The following RANBP2 variants were observed in gnomAD, a reference collection of about 807,000 sequenced individuals.
RANBP2 encodes RAN binding protein 2.
RANBP2 carries 57 observed loss-of-function variants against 303.6 expected under a neutral mutation model. That is an observed-to-expected ratio of 0.19 (90% CI 0.15 to 0.23). The LOEUF (loss-of-function observed/expected upper bound fraction) is 0.23. RANBP2 is among the 10% of genes least tolerant of loss of function. The pLI is 1.00. For missense variants in RANBP2, 3,138 were observed against 3,780.8 expected, an observed-to-expected ratio of 0.83 and a Z score of 4.46; for synonymous variants, 1,167 against 1,301.5, an observed-to-expected ratio of 0.90 and a Z score of 2.23.
the RANBP2 span, among the ~76,000 whole-genome samples, chr2:109,174,349 G>T: frequency 5.3e-5 from 8 of 152,252 alleles, no homozygotes; most frequent in Non-Finnish European, 1.2e-4. Context: ...ACCAGACTGG[G>T]TGCTGGGTTT....
the RANBP2 span, among the ~76,000 whole-genome samples, chr2:108,800,172 GTTAATGCAT>G: frequency 2.0e-5 from 3 of 152,170 alleles, no homozygotes; most frequent in Non-Finnish European, 4.4e-5. Flanking sequence ...AGACCTTCTG[GTTAATGCAT>G]AGATTTTGGG....
chr2:109,630,523 C>G, the RANBP2 span, among the ~76,000 whole-genome samples: 1 of 152,232 alleles, frequency 6.6e-6, no homozygotes. Context: ...AGGCCATGGC[C>G]TGACCCTTCC....
chr2:109,157,660 A>G, the RANBP2 span, among the ~76,000 whole-genome samples: 1 of 152,208 alleles, frequency 6.6e-6, no homozygotes, highest in African/African-American at 2.4e-5. Context: ...GGATATAAAG[A>G]TGTGATTCAG....
chr2:109,430,756 G>A, the RANBP2 span, among the ~76,000 whole-genome samples: 1 of 152,164 alleles, frequency 6.6e-6, no homozygotes, highest in Non-Finnish European at 1.5e-5. Context: ...TGAACGTGGT[G>A]GGGTGGCGGG....
At chr2:109,555,184 G>C in the RANBP2 span, among the ~76,000 whole-genome samples, 1 of 152,098 alleles carries the variant, frequency 6.6e-6, no homozygotes, top group African/African-American at 2.4e-5. Flanking sequence ...TTAAAGTTAT[G>C]CTATCTATAG....
the RANBP2 span, among the ~76,000 whole-genome samples, chr2:108,940,956 C>A: frequency 6.6e-6 from 1 of 152,072 alleles, no homozygotes; most frequent in African/African-American, 2.4e-5. Context: ...GTATATACAC[C>A]CCCTGTGGCT....
At chr2:109,144,926 G>A in the RANBP2 span, among the ~76,000 whole-genome samples, 4 of 152,334 alleles carry the variant, frequency 2.6e-5, no homozygotes, top group Non-Finnish European at 4.4e-5. Context: ...TGGACACTGC[G>A]CACTGTGGGG....
the RANBP2 span, among the ~76,000 whole-genome samples, chr2:109,181,673 C>T: frequency 2.6e-5 from 4 of 152,344 alleles, no homozygotes; most frequent in South Asian, 2.1e-4. Context: ...AAATTTCCCT[C>T]CCGGCCACAG....
At chr2:109,006,026 G>A in the RANBP2 span, among the ~76,000 whole-genome samples, 44 of 152,294 alleles carry the variant, frequency 2.9e-4, no homozygotes, top group East Asian at 7.1e-3. Context: ...CGGCCAGCCC[G>A]GAAGTGGCGG....
At chr2:109,677,478 T>G in the RANBP2 span, among the ~76,000 whole-genome samples, 1 of 152,232 alleles carries the variant, frequency 6.6e-6, no homozygotes, top group Non-Finnish European at 1.5e-5. Flanking sequence ...CTTTGATCAC[T>G]GCTTCCATGG....
the RANBP2 span, among the ~76,000 whole-genome samples, chr2:109,338,836 C>T: frequency 7.2e-5 from 11 of 152,266 alleles, no homozygotes; most frequent in East Asian, 3.9e-4. Context: ...TGAGCCATTG[C>T]GCCAAGTCTT....
chr2:109,509,623 A>C, the RANBP2 span, among the ~76,000 whole-genome samples: 1 of 152,034 alleles, frequency 6.6e-6, no homozygotes, highest in Non-Finnish European at 1.5e-5. Context: ...TCAAGTCAGG[A>C]GTTTTAGTGT....
the RANBP2 span, among the ~76,000 whole-genome samples, chr2:109,303,412 T>C: frequency 1.3e-5 from 2 of 152,248 alleles, no homozygotes; most frequent in Non-Finnish European, 1.5e-5. Flanking sequence ...GCTCACACTA[T>C]ATTTTTAATG....
the RANBP2 span, among the ~76,000 whole-genome samples, chr2:108,800,449 G>GTTTA: frequency 6.6e-6 from 1 of 151,722 alleles, no homozygotes; most frequent in Non-Finnish European, 1.5e-5. Flanking sequence ...ATTTTTAGTA[G>GTTTA]GGACGGGGTT....
chr2:109,654,214 C>A, the RANBP2 span, among the ~76,000 whole-genome samples: 1 of 152,010 alleles, frequency 6.6e-6, no homozygotes, highest in Non-Finnish European at 1.5e-5. Context: ...ACTACCCCCA[C>A]TAACAAGGTT....
chr2:108,839,399 T>C, the RANBP2 span: 2 of 1,017,146 alleles, frequency 2.0e-6, no homozygotes, highest in African/African-American at 3.3e-5. Flanking sequence ...ATTCTCTGTA[T>C]TTCAGAATAA....
the RANBP2 span, among the ~76,000 whole-genome samples, chr2:109,199,221 T>C: frequency 6.8e-6 from 1 of 148,020 alleles, no homozygotes; most frequent in Admixed American, 6.8e-5. Context: ...TAGCCAGGCG[T>C]GGTGGCGGGT....
At chr2:109,395,846 A>G in the RANBP2 span, among the ~76,000 whole-genome samples, 2 of 152,188 alleles carry the variant, frequency 1.3e-5, no homozygotes, top group Non-Finnish European at 2.9e-5. Flanking sequence ...CTGGACTTGC[A>G]TACAACAACC....
At chr2:109,419,043 G>C in the RANBP2 span, among the ~76,000 whole-genome samples, 5 of 152,098 alleles carry the variant, frequency 3.3e-5, no homozygotes, top group Non-Finnish European at 7.4e-5. Flanking sequence ...TGGGGTCTTG[G>C]GGGGAGGGGG....
Sources: allele counts gnomAD v4.1 joint callset (sites outside exome capture counted in the v4.1 genomes callset), GRCh38; gene constraint gnomAD v4.1.1; transcripts MANE v1.5; gene names NCBI Gene and HGNC (gene_info 2026-07-23, HGNC 2026-07-21).